The following TENM4 variants were observed in gnomAD, a reference collection of about 807,000 sequenced individuals.
The protein encoded by TENM4 is teneurin transmembrane protein 4.
A neutral mutation model predicts 243.3 loss-of-function variants in TENM4; 82 were observed. That is an observed-to-expected ratio of 0.34 (90% CI 0.28 to 0.40). The LOEUF (loss-of-function observed/expected upper bound fraction) is 0.40, where lower values mean the gene tolerates loss of function less well. Among genes scored for constraint, TENM4 ranks in the 10% least tolerant of loss-of-function variants. TENM4 has a pLI of 1.00. For synonymous variants in TENM4, 1,412 were observed against 1,456.3 expected (o/e 0.97, Z 0.69); for missense variants, 3,138 against 3,673.3 (o/e 0.85, Z 3.77).
intron 12 of TENM4, among the ~76,000 whole-genome samples, chr11:78,842,999 C>T (rs2136177745): frequency 6.6e-6 from 1 of 151,930 alleles, no homozygotes; most frequent in East Asian, 1.9e-4. Flanking sequence ...CATAGAGAGG[C>T]CAGGCATAGT....
At chr11:79,193,450 G>A (rs1014496737) in intron 3 of TENM4, among the ~76,000 whole-genome samples, 19 of 152,142 alleles carry the variant, frequency 1.2e-4, no homozygotes, top group African/African-American at 3.6e-4. Context: ...TAGGTCCTAC[G>A]GCACTGTCTG....
intron 3 of TENM4, among the ~76,000 whole-genome samples, chr11:79,205,515 T>C (rs572876820): frequency 6.6e-6 from 1 of 152,320 alleles, no homozygotes; most frequent in East Asian, 1.9e-4. Context: ...CATCAGCCAC[T>C]CACCTCATTT....
At chr11:78,735,523 C>T (rs1855766081) in intron 20 of TENM4, among the ~76,000 whole-genome samples, 1 of 152,188 alleles carries the variant, frequency 6.6e-6, no homozygotes, top group South Asian at 2.1e-4. Context: ...CAGGGGGCAG[C>T]TGGCCTTGCC....
intron 1 of TENM4, among the ~76,000 whole-genome samples, chr11:79,338,496 C>A (rs1171490472): frequency 1.3e-5 from 2 of 152,230 alleles, no homozygotes; most frequent in Non-Finnish European, 2.9e-5. Context: ...TCTGCCCTTG[C>A]CCAAATTGTC....
At chr11:79,306,259 T>C (rs1284142832) in intron 1 of TENM4, among the ~76,000 whole-genome samples, 1 of 152,068 alleles carries the variant, frequency 6.6e-6, no homozygotes, top group Non-Finnish European at 1.5e-5. Context: ...CAAAGCTGAG[T>C]GCTGGAAAAT....
At chr11:79,121,258 T>C (rs962943125) in intron 4 of TENM4, among the ~76,000 whole-genome samples, 8 of 152,198 alleles carry the variant, frequency 5.3e-5, no homozygotes, top group Non-Finnish European at 5.9e-5. Flanking sequence ...CTTGTTTACA[T>C]AGGCCAGACT....
intron 4 of TENM4, among the ~76,000 whole-genome samples, chr11:79,129,648 A>C (rs1420532990): frequency 2.6e-5 from 4 of 152,050 alleles, no homozygotes. Flanking sequence ...ATGGCTCAGC[A>C]GGGGCAGCCA....
intron 29 of TENM4, 76 bp from the exon 30 acceptor site, chr11:78,676,463 G>A: frequency 8.0e-7 from 1 of 1,244,076 alleles, no homozygotes; most frequent in Non-Finnish European, 1.1e-6. Context: ...AGAGGCGGTG[G>A]AGGGGACTTT....
intron 6 of TENM4, among the ~76,000 whole-genome samples, chr11:79,013,064 G>A (rs658182): frequency 0.49 from 73,705 of 151,596 alleles, 18,446 homozygotes; most frequent in Middle Eastern, 0.55. Flanking sequence ...GCAGTCCTTG[G>A]AAATGGCTTT....
intron 1 of TENM4, among the ~76,000 whole-genome samples, chr11:79,413,796 G>A (rs555079950): frequency 1.3e-5 from 2 of 152,174 alleles, no homozygotes; most frequent in South Asian, 4.2e-4. Flanking sequence ...TCATATTGTG[G>A]TTATGTAGAA....
chr11:78,912,134 G>A (rs1856202855), intron 6 of TENM4, among the ~76,000 whole-genome samples: 1 of 152,188 alleles, frequency 6.6e-6, no homozygotes, highest in Admixed American at 6.5e-5. Flanking sequence ...GCAGCAGTAT[G>A]GTGAGAGACC....
At chr11:78,686,882 A>G (rs564191343) in intron 29 of TENM4, among the ~76,000 whole-genome samples, 1 of 152,344 alleles carries the variant, frequency 6.6e-6, no homozygotes, top group South Asian at 2.1e-4. Flanking sequence ...GCAAAGGACT[A>G]AATTTGGGAG....
At chr11:79,408,389 T>C (rs4945348) in intron 1 of TENM4, among the ~76,000 whole-genome samples, 17,814 of 152,250 alleles carry the variant, frequency 0.12, 1,393 homozygotes, top group East Asian at 0.28. Flanking sequence ...TCGTGGGCTT[T>C]AGAATTAGAC....
intron 1 of TENM4, among the ~76,000 whole-genome samples, chr11:79,315,876 T>C (rs572228173): frequency 6.6e-6 from 1 of 152,346 alleles, no homozygotes; most frequent in South Asian, 2.1e-4. Context: ...ATCACACTTA[T>C]TAGGCTGGTG....
At chr11:79,266,481 CAG>C (rs1160068294) in intron 2 of TENM4, among the ~76,000 whole-genome samples, 2 of 152,178 alleles carry the variant, frequency 1.3e-5, no homozygotes, top group East Asian at 1.9e-4. Flanking sequence ...ATGATACAGG[CAG>C]GAGGAGCTCC....
intron 1 of TENM4, among the ~76,000 whole-genome samples, chr11:79,342,494 A>G (rs1332971574): frequency 6.6e-6 from 1 of 152,090 alleles, no homozygotes; most frequent in African/African-American, 2.4e-5. Flanking sequence ...GCCACACAGA[A>G]ATAAGGAACT....
intron 6 of TENM4, among the ~76,000 whole-genome samples, chr11:79,063,835 C>T (rs1475786933): frequency 2.0e-5 from 3 of 152,174 alleles, no homozygotes; most frequent in South Asian, 2.1e-4. Context: ...GCCTTGGGAA[C>T]GAGCCTCAGG....
intron 2 of TENM4, among the ~76,000 whole-genome samples, chr11:79,296,899 T>G (rs1435023051): frequency 1.3e-5 from 2 of 152,206 alleles, no homozygotes; most frequent in African/African-American, 2.4e-5. Context: ...ACTCACTGAT[T>G]GGGTTGTGAA....
chr11:78,931,082 C>A (rs550744851), intron 6 of TENM4, among the ~76,000 whole-genome samples: 1 of 152,266 alleles, frequency 6.6e-6, no homozygotes, highest in African/African-American at 2.4e-5. Context: ...GCAACTCTTC[C>A]CCGGCCTGTT....
Sources: gnomAD v4.1 joint callset for allele counts (sites outside exome capture counted in the v4.1 genomes callset) on GRCh38, gnomAD v4.1.1 for gene constraint, MANE v1.5 for transcripts, NCBI Gene and HGNC (gene_info 2026-07-23, HGNC 2026-07-21) for gene names.